Variants in IRAK1BP1 observed in about 807,000 individuals in gnomAD.
IRAK1BP1 encodes the protein interleukin-1 receptor-associated kinase 1-binding protein 1.
A neutral mutation model predicts 28.0 loss-of-function variants in IRAK1BP1; 24 were observed. The observed-to-expected ratio is 0.86, with a 90% CI of 0.62 to 1.20. The LOEUF (loss-of-function observed/expected upper bound fraction) is 1.20, where lower values mean the gene tolerates loss of function less well. Ranked by LOEUF, IRAK1BP1 falls within the 50% of genes most tolerant of loss-of-function variation. The probability of loss-of-function intolerance (pLI) is 0.00; values close to 1 mark genes in which losing one functional copy is unlikely to be tolerated. For synonymous variants in IRAK1BP1, 131 were observed against 116.3 expected (o/e 1.13, Z -0.81); for missense variants, 336 against 316.7 (o/e 1.06, Z -0.46).
rs553425962 is a variant in IRAK1BP1, at chr6:78,895,483, A to G, written c.382-2346A>G. The stretch of plus-strand genomic sequence containing the variant: ...ATTTTAGCCAAATTTAATGATTTAT[A>G]CACATACATGCTTACACACATGGAC... On this transcript the variant is annotated intron_variant, in intron 2 of 3. Transcript: ENST00000369940. 2.0e-5 allele frequency among the ~76,000 whole-genome samples: 3 copies of G among 152,344 alleles called. No individual in the cohort carries two copies. The South Asian group carries it at 6.2e-4, about 32-fold the overall frequency.
At chr6:78,965,303 A>C in the IRAK1BP1 span, among the ~76,000 whole-genome samples, 1 of 152,184 alleles carries the variant, frequency 6.6e-6, no homozygotes, top group African/African-American at 2.4e-5. Flanking sequence ...TGCCAAGATC[A>C]CATAAAAAAT....
intron 1 of IRAK1BP1, among the ~76,000 whole-genome samples, chr6:78,877,923 G>A (rs981608302): frequency 3.9e-5 from 6 of 151,990 alleles, no homozygotes; most frequent in Admixed American, 3.3e-4. Flanking sequence ...CGAACTGTAA[G>A]GCAGCAGTGA....
At chr6:78,934,446 A>G (rs1773187738) in intron 4 of IRAK1BP1, among the ~76,000 whole-genome samples, 2 of 152,242 alleles carry the variant, frequency 1.3e-5, no homozygotes, top group South Asian at 4.1e-4. Flanking sequence ...TCTTTTTATT[A>G]GTAAACATGT....
downstream of IRAK1BP1, chr6:78,903,149 A>G: frequency 1.9e-6 from 2 of 1,072,390 alleles, no homozygotes; most frequent in Non-Finnish European, 1.3e-6. Flanking sequence ...AAAGAAGACT[A>G]AGAAAAAGCA....
rs1344386111 is a variant in IRAK1BP1 at position 78,867,753 on chromosome 6, A to G, written c.177A>G (p.Ser59=). Residue 59 remains serine, a synonymous_variant, in exon 1 of 4, where the codon TCA becomes TCG. Transcript: ENST00000369940. Reference sequence around the variant, plus strand: ...GCGAGGTGCAAGTAAGCGGCACCTCAGAAGTGTCTGCGGGCCCTGACCGGG... The same window carrying G: ...GCGAGGTGCAAGTAAGCGGCACCTCGGAAGTGTCTGCGGGCCCTGACCGGG... ...ATREVQVSGT[S]EVSAGPDRAQ... is the part of the protein sequence containing the mutation. The G allele has an allele frequency of 1.2e-6, 2 of 1,614,224 alleles. No homozygotes were observed. Among genetic ancestry groups the G allele is most frequent in the Non-Finnish European group, 1.7e-6 (2 of 1,180,036 alleles).
chr6:78,977,939 A>G, the IRAK1BP1 span, among the ~76,000 whole-genome samples: 55 of 152,244 alleles, frequency 3.6e-4, no homozygotes, highest in African/African-American at 1.3e-3. Flanking sequence ...CTCTATTTTA[A>G]TTCCCAATTT....
At chr6:78,907,943 C>T (rs1772301603), downstream of IRAK1BP1, among the ~76,000 whole-genome samples, 1 of 151,822 alleles carries the variant, frequency 6.6e-6, no homozygotes, top group South Asian at 2.1e-4. Flanking sequence ...TGGTCTCAAA[C>T]TCCTGACCTC....
intron 4 of IRAK1BP1, chr6:78,945,187 T>C (rs1390087701): frequency 2.7e-6 from 2 of 737,312 alleles, no homozygotes; most frequent in Non-Finnish European, 4.8e-6. Context: ...CTAATACAGA[T>C]GTGTGACTTT....
chr6:78,891,235 A>G (rs1771649431), intron 2 of IRAK1BP1, among the ~76,000 whole-genome samples: 1 of 152,224 alleles, frequency 6.6e-6, no homozygotes, highest in South Asian at 2.1e-4. Flanking sequence ...AAGAAAAGAA[A>G]TGCAATCATA....
At chr6:78,870,336 T>C (rs1770753364) in intron 1 of IRAK1BP1, among the ~76,000 whole-genome samples, 1 of 152,072 alleles carries the variant, frequency 6.6e-6, no homozygotes. Flanking sequence ...CATGCAACAC[T>C]TCACTCCCTA....
In IRAK1BP1 at chr6:78,893,318, A is replaced by G. The variant is rs36114710; in HGVS notation, c.382-4511A>G. The stretch of plus-strand genomic sequence containing the variant: ...TGTGTGTGTGTGTGTGTGTGTGTAT[A>G]TATATATATATATATATATATATAT... On this transcript the variant is annotated intron_variant, in intron 2 of 3. Transcript: ENST00000369940. Among the ~76,000 whole-genome samples, 332 of 37,484 alleles carry G rather than the reference A, an allele frequency of 8.9e-3. 2 individuals carry two copies. The highest frequency in any genetic ancestry group is 0.028 in the African/African-American group (242 of 8,788). 24.6% of individuals were successfully genotyped at this position (37,484 alleles called of 152,430 possible).
rs144740959 is a variant in IRAK1BP1, at chr6:78,923,565, G to C, written c.*67+20455G>C. 3.4e-3 allele frequency among the ~76,000 whole-genome samples: 512 copies of C among 152,248 alleles called. 2 individuals are homozygous for C. The highest frequency in any genetic ancestry group is 0.011 in the African/African-American group (447 of 41,556). ...ATTTAACTCAGCTCTGCACCAAGCAGACCTAATAGACATCTACAGAACTCT... is the reference window on the plus strand; with the variant it reads ...ATTTAACTCAGCTCTGCACCAAGCACACCTAATAGACATCTACAGAACTCT... On this transcript the variant is annotated intron_variant and NMD_transcript_variant, in intron 4 of 4. Coordinates refer to the IRAK1BP1 transcript ENST00000606868.
chr6:78,867,571 A>G lies in IRAK1BP1; in HGVS notation c.-6A>G, dbSNP rs370995269. 2.0e-5 allele frequency: 32 copies of G among 1,611,064 alleles called. No homozygotes were observed. In the South Asian group the frequency reaches 3.4e-4, roughly 17 times the overall value. On this transcript the variant is annotated 5_prime_UTR_variant, in exon 1 of 4. Coordinates refer to ENST00000369940, the MANE Select transcript of IRAK1BP1 (RefSeq NM_001010844.4). ...TAGTTACTATGGAAACCCAGCTGCC[A>G]TCGCTATGTCTCTGCAAAAGACCCC...
chr6:78,920,085 C>A (rs1772681426), intron 4 of IRAK1BP1, among the ~76,000 whole-genome samples: 1 of 152,034 alleles, frequency 6.6e-6, no homozygotes, highest in Non-Finnish European at 1.5e-5. Flanking sequence ...GAAACCCTGT[C>A]TCTACTAAAA....
chr6:78,968,283 C>T, the IRAK1BP1 span, among the ~76,000 whole-genome samples: 1 of 152,216 alleles, frequency 6.6e-6, no homozygotes, highest in African/African-American at 2.4e-5. Flanking sequence ...TTTCTTCACT[C>T]ATCAATTTTT....
intron 2 of IRAK1BP1, among the ~76,000 whole-genome samples, 164 bp from the exon 3 acceptor site, chr6:78,897,665 A>T (rs1771939959): frequency 6.6e-6 from 1 of 152,138 alleles, no homozygotes; most frequent in African/African-American, 2.4e-5. Context: ...AAAATCTTAA[A>T]GAACAAAATA....
chr6:78,872,166 C>T (rs999563671), intron 1 of IRAK1BP1: 1 of 696,156 alleles, frequency 1.4e-6, no homozygotes, highest in African/African-American at 1.8e-5. Flanking sequence ...CCTAGAGTTT[C>T]TCTGCAGGAT....
intron 1 of IRAK1BP1, among the ~76,000 whole-genome samples, chr6:78,869,262 G>A (rs898612706): frequency 3.3e-5 from 5 of 152,236 alleles, no homozygotes; most frequent in African/African-American, 9.6e-5. Context: ...GCTCATGCCT[G>A]TAATGCCAAC....
chr6:78,941,353 T>G (rs752666413), intron 4 of IRAK1BP1: 2 of 1,569,248 alleles, frequency 1.3e-6, no homozygotes, highest in South Asian at 2.4e-5. Context: ...AACAGTACAC[T>G]TAATATATGG....
Sources: gnomAD v4.1 joint callset for allele counts (sites outside exome capture counted in the v4.1 genomes callset) on GRCh38, gnomAD v4.1.1 for gene constraint, MANE v1.5 for transcripts, NCBI Gene and HGNC (gene_info 2026-07-23, HGNC 2026-07-21) for gene names.